ETS2: variants seen among roughly 807,000 people sequenced by gnomAD.
ETS2 encodes ETS proto-oncogene 2, transcription factor, also known as protein C-ets-2.
Under a neutral mutation model 54.9 loss-of-function variants are expected in ETS2, and 19 were observed. The ratio of observed to expected loss-of-function variants is 0.35; its 90% CI spans 0.24 to 0.51. ETS2 has a LOEUF of 0.51. Ranked by LOEUF, ETS2 falls within the 20% of genes least tolerant of loss-of-function variation. The pLI is 0.97. For synonymous variants in ETS2, 219 were observed against 229.3 expected (o/e 0.95, Z 0.41); for missense variants, 417 against 593.0 (o/e 0.70, Z 3.08).
intron 2 of ETS2, among the ~76,000 whole-genome samples, chr21:38,812,381 G>T (rs1250543641): frequency 6.6e-6 from 1 of 152,204 alleles, no homozygotes; most frequent in African/African-American, 2.4e-5. Context: ...CGACACCATT[G>T]TAAGATTCTG....
intron 8 of ETS2, among the ~76,000 whole-genome samples, chr21:38,820,805 T>C (rs1189195004): frequency 6.6e-6 from 1 of 152,238 alleles, no homozygotes; most frequent in East Asian, 1.9e-4. Flanking sequence ...AGCTATTTGG[T>C]AGAAAGAGGT....
chr21:38,808,541 A>G (rs1334125124), intron 1 of ETS2, among the ~76,000 whole-genome samples: 1 of 150,822 alleles, frequency 6.6e-6, no homozygotes, highest in Non-Finnish European at 1.5e-5. Flanking sequence ...GAATTTTCTG[A>G]TGCCTCTGGC....
chr21:38,816,503 A>G (rs965301280), intron 5 of ETS2, among the ~76,000 whole-genome samples: 6 of 152,032 alleles, frequency 3.9e-5, no homozygotes, highest in Non-Finnish European at 5.9e-5. Flanking sequence ...CACAGTGCAC[A>G]AACCTTTTCC....
At chr21:38,819,810 T>A in intron 8 of ETS2, 44 bp downstream of exon 8, 2 of 1,575,936 alleles carry the variant, frequency 1.3e-6, no homozygotes, top group Non-Finnish European at 1.7e-6. Flanking sequence ...GTCTCCTGGG[T>A]CCTGTCCCTT....
At position 38,806,149 on chromosome 21, in the gene ETS2, G is replaced by A. The variant is rs2060891908; in HGVS notation, c.-1+29G>A. On this transcript the variant is annotated intron_variant, in intron 1 of 9. Transcript: ENST00000360938. This position sits in a 1 kb window ranked among gnomAD's most constrained non-coding sequence, Gnocchi z 4.3. ...AGAGCTGGGCCCGCAGAGAGCGCCC[G>A]GCGCGCGGCTCCAGTCCCATGGAGG... 1.2e-5 allele frequency: 12 copies of A among 1,012,906 alleles called. No homozygotes were observed. The highest frequency in any genetic ancestry group is 1.7e-5 in the African/African-American group (1 of 57,420). The allele number at this position is 1,012,906 out of a possible 1,614,324, so 62.7% of individuals were successfully genotyped here. A position where few individuals can be genotyped will look rare whatever the true frequency, so the allele number is the denominator to read the frequency against.
chr21:38,807,852 T>C (rs1416288097), intron 1 of ETS2, among the ~76,000 whole-genome samples: 1 of 152,250 alleles, frequency 6.6e-6, no homozygotes, highest in Non-Finnish European at 1.5e-5. Context: ...CATCCGGCTC[T>C]GGATGGATAA....
intron 9 of ETS2, among the ~76,000 whole-genome samples, chr21:38,822,439 C>A (rs2060961949): frequency 6.6e-6 from 1 of 152,138 alleles, no homozygotes; most frequent in Admixed American, 6.5e-5. Flanking sequence ...GAGCTGGGGC[C>A]AGGGAGCAGG....
chr21:38,822,544 G>A (rs183629906), intron 9 of ETS2, 130 bp from the exon 10 acceptor site: 10 of 749,544 alleles, frequency 1.3e-5, no homozygotes, highest in East Asian at 8.2e-5. Flanking sequence ...GTCCTCCTGC[G>A]GACCTTGTGT....
At chr21:38,812,503 G>A (rs898369610) in intron 2 of ETS2, among the ~76,000 whole-genome samples, 3 of 152,212 alleles carry the variant, frequency 2.0e-5, no homozygotes, top group Non-Finnish European at 2.9e-5. Flanking sequence ...CACAGTGGCC[G>A]GGCACCGTGG....
intron 7 of ETS2, 39 bp downstream of exon 7, chr21:38,818,685 G>C: frequency 6.2e-7 from 1 of 1,610,684 alleles, no homozygotes; most frequent in Non-Finnish European, 8.5e-7. Context: ...CTGTTGCTTT[G>C]ATTCTGAGAA....
Position 38,818,421 on chromosome 21 carries a change from C to T in ETS2, c.590-4C>T, listed in dbSNP as rs1401606845. ...AGCTCTGCCGTCCGATTGTTCTGTT[C>T]CAGGTTTTGGCACAGAGCAGGCGCC... On this transcript the variant is annotated splice_polypyrimidine_tract_variant and splice_region_variant and intron_variant, in intron 6 of 9. Coordinates refer to ENST00000360938, the MANE Select transcript of ETS2 (RefSeq NM_005239.6). 1 of 1,613,986 alleles carries T rather than the reference C, an allele frequency of 6.2e-7. No individual in the cohort carries two copies. The highest frequency in any genetic ancestry group is 8.5e-7 in the Non-Finnish European group (1 of 1,180,034).
chr21:38,821,559 G>T lies in ETS2; in HGVS notation c.1076-27G>T, dbSNP rs746561254. On this transcript the variant is annotated intron_variant, in intron 8 of 9. Coordinates refer to ENST00000360938, the MANE Select transcript of ETS2 (RefSeq NM_005239.6). The surrounding 1 kb of genome is among the most constrained non-coding windows in gnomAD (Gnocchi z 4.2). ...GTATTTTACATCTGTGAAAGGGTAT[G>T]ATCCGTCTCCCTCCCTCTCCCCGCA... is the stretch of plus-strand genomic sequence containing the variant. 2.0e-6 allele frequency: 3 copies of T among 1,468,030 alleles called. No homozygotes were observed. The highest frequency in any genetic ancestry group is 3.3e-5 in the Admixed American group (2 of 59,800). The allele number at this position is 1,468,030 out of a possible 1,614,324, so 90.9% of individuals were successfully genotyped here.
At chr21:38,808,759 GTTGAATGTTGT>G (rs1341826625) in intron 1 of ETS2, among the ~76,000 whole-genome samples, 41 of 152,334 alleles carry the variant, frequency 2.7e-4, no homozygotes, top group African/African-American at 9.4e-4. Context: ...AGTTCTATCA[GTTGAATGTTGT>G]CTGAATTACT....
rs1353421167 is a variant in ETS2 at position 38,806,683 on chromosome 21, G to C, written c.-1+563G>C. 4.1e-6 allele frequency: 4 copies of C among 985,310 alleles called. No homozygotes were observed. The highest frequency in any genetic ancestry group is 4.8e-6 in the Non-Finnish European group (4 of 829,952). 61.0% of individuals were successfully genotyped at this position (985,310 alleles called of 1,614,324 possible). A position where few individuals can be genotyped will look rare whatever the true frequency, so the allele number is the denominator to read the frequency against. On this transcript the variant is annotated intron_variant, in intron 1 of 9. Coordinates refer to ENST00000360938, the MANE Select transcript of ETS2 (RefSeq NM_005239.6). The surrounding 1 kb of genome is among the most constrained non-coding windows in gnomAD (Gnocchi z 4.3). ...GGGGTGCCATGGTCACCTGCTCGCCGCGTCCAGGGCCCGGGCTGGGGACCC... is the reference window on the plus strand; with the variant it reads ...GGGGTGCCATGGTCACCTGCTCGCCCCGTCCAGGGCCCGGGCTGGGGACCC...
Position 38,821,073 on chromosome 21 carries a change from G to A in ETS2, c.1076-513G>A, listed in dbSNP as rs886166115. On this transcript the variant is annotated intron_variant, in intron 8 of 9. Coordinates refer to ENST00000360938, the MANE Select transcript of ETS2 (RefSeq NM_005239.6). This position sits in a 1 kb window ranked among gnomAD's most constrained non-coding sequence, Gnocchi z 4.2. ...ACCCCGCGTGGCTATTGAGTAAACC[G>A]GGCTCACATTAAGCAATTTACACAT... is the stretch of plus-strand genomic sequence containing the variant. 3.9e-5 allele frequency among the ~76,000 whole-genome samples: 6 copies of A among 152,272 alleles called. No homozygotes were observed. Among genetic ancestry groups the A allele is most frequent in the Non-Finnish European group, 5.9e-5 (4 of 68,018 alleles).
chr21:38,806,740 G>A lies in ETS2; in HGVS notation c.-1+620G>A. 3.0e-6 allele frequency: 3 copies of A among 985,522 alleles called. No individual in the cohort carries two copies. The South Asian group carries it at 1.4e-4, about 46-fold the overall frequency. 61.0% of individuals were successfully genotyped at this position (985,522 alleles called of 1,614,324 possible). ...CGTGCGAGGAGAGCGTGGGGAACCTGTCGGAAATGAGATCTGGTTGCGCTG... is the reference window on the plus strand; with the variant it reads ...CGTGCGAGGAGAGCGTGGGGAACCTATCGGAAATGAGATCTGGTTGCGCTG... On this transcript the variant is annotated intron_variant, in intron 1 of 9. Transcript: ENST00000360938. The surrounding 1 kb of genome is among the most constrained non-coding windows in gnomAD (Gnocchi z 4.3).
intron 2 of ETS2, among the ~76,000 whole-genome samples, chr21:38,812,687 A>G (rs748794259): frequency 6.6e-6 from 1 of 152,204 alleles, no homozygotes; most frequent in Non-Finnish European, 1.5e-5. Context: ...AGGCTGAGGC[A>G]GGAGAATCGC....
rs747073766 is a variant in ETS2, at chr21:38,819,489, G to C, written c.812-14G>C. 1.2e-6 allele frequency: 2 copies of C among 1,613,072 alleles called. No homozygotes were observed. The highest frequency in any genetic ancestry group is 1.7e-4 in the Middle Eastern group (1 of 6,058). ...CTGGAGGAATCAAAGTATGTGTTTG[G>C]TTGTCTTTGCCAGGGACTCCCAAAG... On this transcript the variant is annotated splice_polypyrimidine_tract_variant and intron_variant, in intron 7 of 9. Coordinates refer to ENST00000360938, the MANE Select transcript of ETS2 (RefSeq NM_005239.6).
At chr21:38,813,507 C>A (rs904629131) in intron 3 of ETS2, among the ~76,000 whole-genome samples, 10 of 152,248 alleles carry the variant, frequency 6.6e-5, no homozygotes, top group Admixed American at 5.9e-4. Context: ...AATCATCTCC[C>A]CTGCCCTGAG....
Sources: gnomAD v4.1 joint callset for allele counts (sites outside exome capture counted in the v4.1 genomes callset) on GRCh38, gnomAD v4.1.1 for gene constraint, Gnocchi (gnomAD v3.1) non-coding constraint, MANE v1.5 for transcripts, NCBI Gene and HGNC (gene_info 2026-07-23, HGNC 2026-07-21) for gene names.